Variants in DCDC1 observed in about 807,000 individuals in gnomAD.
The protein encoded by DCDC1 is doublecortin domain-containing protein 1.
In DCDC1, 200 loss-of-function variants were observed where a neutral mutation model predicts 178.3. That is an observed-to-expected ratio of 1.12 (90% CI 1.00 to 1.26). The LOEUF (loss-of-function observed/expected upper bound fraction) is 1.26, where lower values mean the gene tolerates loss of function less well. DCDC1 is among the 50% of genes most tolerant of loss of function. DCDC1 has a pLI of 0.00. For missense variants in DCDC1, 1,983 were observed against 1,749.2 expected (o/e 1.13, Z -2.38); for synonymous variants, 690 against 604.8 (o/e 1.14, Z -2.07).
rs1279674526 is a variant in DCDC1, at chr11:31,285,829, AT to A, written c.960+4817del. ...GCTCACATATAAATATAAAGGGAGT[AT>A]TTTTTTCCTAAGCCAGACTTGCTAC... On this transcript the variant is annotated intron_variant, in intron 7 of 38. Coordinates refer to ENST00000684477, the MANE Select transcript of DCDC1 (RefSeq NM_001387274.1). Among the ~76,000 whole-genome samples, 4 of 151,970 alleles carry A rather than the reference AT, an allele frequency of 2.6e-5. No individual in the cohort carries two copies. In the South Asian group the frequency reaches 6.2e-4, roughly 24 times the overall value.
At chr11:31,343,778 G>A (rs970408602) in intron 1 of DCDC1, among the ~76,000 whole-genome samples, 1 of 152,098 alleles carries the variant, frequency 6.6e-6, no homozygotes, top group Non-Finnish European at 1.5e-5. Flanking sequence ...AAATTAGCTG[G>A]GGGTGGTGGC....
intron 20 of DCDC1, among the ~76,000 whole-genome samples, chr11:31,035,809 T>C (rs996131168): frequency 6.6e-6 from 1 of 152,274 alleles, no homozygotes; most frequent in Admixed American, 6.5e-5. Context: ...GATGTTGATT[T>C]TTCTATTTTC....
intron 9 of DCDC1, among the ~76,000 whole-genome samples, chr11:31,176,842 A>T (rs1968102082): frequency 6.6e-6 from 1 of 152,212 alleles, no homozygotes; most frequent in African/African-American, 2.4e-5. Context: ...AACTTCCAAG[A>T]CAGGCAAACA....
intron 9 of DCDC1, among the ~76,000 whole-genome samples, chr11:31,166,925 C>CA (rs1966839192): frequency 6.6e-6 from 1 of 152,118 alleles, no homozygotes; most frequent in South Asian, 2.1e-4. Flanking sequence ...AGAGGAAACT[C>CA]AGAGAATCTC....
At chr11:31,369,326 G>A (rs1033630880) in intron 1 of DCDC1, among the ~76,000 whole-genome samples, 5 of 152,174 alleles carry the variant, frequency 3.3e-5, no homozygotes, top group Admixed American at 6.5e-5. Flanking sequence ...AATATCTTCT[G>A]CAGAAAAAAT....
chr11:31,113,996 T>G (rs1053724926), intron 11 of DCDC1, among the ~76,000 whole-genome samples: 10 of 152,136 alleles, frequency 6.6e-5, no homozygotes, highest in African/African-American at 2.4e-4. Flanking sequence ...ACCCACATAC[T>G]TTTGGTGCCA....
rs904090844 is a variant in DCDC1 at position 31,301,002 on chromosome 11, T to C, written c.754+4613A>G. Among the ~76,000 whole-genome samples the C allele has an allele frequency of 2.6e-5, 4 of 152,168 alleles. No individual in the cohort carries two copies. The East Asian group carries it at 7.7e-4, about 29-fold the overall frequency. ...CTACTGACTAAGAACACTTTTTTGG[T>C]CCATCTCTTATAATTGTCTTCAAAT... On this transcript the variant is annotated intron_variant, in intron 6 of 38. Coordinates refer to ENST00000684477, the MANE Select transcript of DCDC1 (RefSeq NM_001387274.1).
intron 8 of DCDC1, among the ~76,000 whole-genome samples, chr11:31,246,292 T>C (rs1246153373): frequency 6.6e-6 from 1 of 151,992 alleles, no homozygotes; most frequent in East Asian, 1.9e-4. Context: ...CATGAGACTA[T>C]GAAAGAAAAG....
chr11:31,295,706 C>G (rs148284820), intron 6 of DCDC1, among the ~76,000 whole-genome samples: 2 of 152,286 alleles, frequency 1.3e-5, no homozygotes, highest in African/African-American at 4.8e-5. Flanking sequence ...GGCTCCTTCT[C>G]TCACTCCCTT....
At chr11:31,179,928 G>A (rs1968560438) in intron 9 of DCDC1, among the ~76,000 whole-genome samples, 2 of 152,140 alleles carry the variant, frequency 1.3e-5, no homozygotes. Flanking sequence ...ACATTGAAAA[G>A]ATAACACACC....
chr11:31,231,748 T>G (rs1265609099), intron 9 of DCDC1, among the ~76,000 whole-genome samples: 1 of 152,214 alleles, frequency 6.6e-6, no homozygotes, highest in African/African-American at 2.4e-5. Flanking sequence ...GCATCTTTAT[T>G]CAAAAGGCTG....
rs761557038 is a variant in DCDC1, at chr11:30,920,860, C to T, written c.3209G>A (p.Gly1070Glu). The T allele has an allele frequency of 3.1e-6, 5 of 1,613,436 alleles. No individual in the cohort carries two copies. In the African/African-American group the frequency reaches 6.7e-5, roughly 22 times the overall value. ...CGGTTCTGTAACTTGCTTCTCTTCT[C>T]CAAAAATTGCTACAGGTTTATGCAC... ...LAVHKPVAIF[G>E]EEKQVTEPEE... Residue 1070 changes from glycine to glutamate, a missense_variant, in exon 25 of 39, where the codon GGA (glycine) becomes GAA (glutamate). Coordinates refer to ENST00000684477, the MANE Select transcript of DCDC1 (RefSeq NM_001387274.1).
At chr11:30,929,123 T>A (rs1013934731) in intron 22 of DCDC1, among the ~76,000 whole-genome samples, 3 of 152,112 alleles carry the variant, frequency 2.0e-5, no homozygotes, top group African/African-American at 4.8e-5. Flanking sequence ...TAACTAACCA[T>A]TCATTCGTTC....
At chr11:30,908,905 C>T (rs772967996) in intron 29 of DCDC1, 41 bp downstream of exon 29, 2 of 1,525,476 alleles carry the variant, frequency 1.3e-6, no homozygotes, top group South Asian at 2.6e-5. Context: ...CTCTCTTTTA[C>T]CCTATTTTTC....
chr11:30,958,910 A>G (rs1948919992), intron 20 of DCDC1, among the ~76,000 whole-genome samples: 1 of 152,028 alleles, frequency 6.6e-6, no homozygotes, highest in Non-Finnish European at 1.5e-5. Context: ...AACCCAGGGG[A>G]CCTTGGGGAC....
chr11:30,945,463 G>T (rs1565108074), intron 21 of DCDC1, among the ~76,000 whole-genome samples: 1 of 151,966 alleles, frequency 6.6e-6, no homozygotes, highest in African/African-American at 2.4e-5. Flanking sequence ...GGAAGCCGAG[G>T]TGGGTGGATC....
intron 20 of DCDC1, among the ~76,000 whole-genome samples, chr11:31,037,111 G>A (rs1260067418): frequency 1.3e-5 from 2 of 152,174 alleles, no homozygotes; most frequent in South Asian, 2.1e-4. Context: ...TTAAAGCAGA[G>A]CTACCCTCAC....
chr11:30,917,016 T>TTTTTTTTTTTTTTTTTAAGAGCAC lies in DCDC1; in HGVS notation c.3305_3306insGTGCTCTTAAAAAAAAAAAAAAAA (p.Val1102_Arg1103insCysSerTer). Reference sequence around the variant, plus strand: ...AAGCCTTCATTCGAAGATGAGCTCTTACGTGTGAATCTCTATCAAGGTTCA... The same window carrying TTTTTTTTTTTTTTTTTAAGAGCAC: ...AAGCCTTCATTCGAAGATGAGCTCTTTTTTTTTTTTTTTTTTAAGAGCACACGTGTGAATCTCTATCAAGGTTCA... On this transcript the variant is annotated stop_gained and inframe_insertion, in exon 26 of 39. Coordinates refer to ENST00000684477, the MANE Select transcript of DCDC1 (RefSeq NM_001387274.1). LOFTEE classifies it high-confidence loss of function. 1 of 1,600,576 alleles carries TTTTTTTTTTTTTTTTTAAGAGCAC rather than the reference T, an allele frequency of 6.2e-7. No homozygotes were observed. The highest frequency in any genetic ancestry group is 1.2e-5 in the South Asian group (1 of 86,612).
At position 30,903,462 on chromosome 11, in the gene DCDC1, T is replaced by C. The variant is rs2134125924; in HGVS notation, c.4510+20A>G. On this transcript the variant is annotated intron_variant, in intron 32 of 38. Coordinates refer to ENST00000684477, the MANE Select transcript of DCDC1 (RefSeq NM_001387274.1). ...TCAAGCATAAGTAGAATCAGCTAAA[T>C]GCTGTAGATTGTAGCCAACCTTCCA... is the stretch of plus-strand genomic sequence containing the variant. 1.3e-6 allele frequency: 2 copies of C among 1,561,944 alleles called. No homozygotes were observed. The highest frequency in any genetic ancestry group is 1.7e-6 in the Non-Finnish European group (2 of 1,151,270).
Sources: allele counts gnomAD v4.1 joint callset (sites outside exome capture counted in the v4.1 genomes callset), GRCh38; gene constraint gnomAD v4.1.1; transcripts MANE v1.5; gene names NCBI Gene and HGNC (gene_info 2026-07-23, HGNC 2026-07-21).